Variants in PRKCE observed in about 807,000 individuals in gnomAD.
PRKCE encodes the protein protein kinase C epsilon type.
PRKCE carries 16 observed loss-of-function variants against 85.4 expected under a neutral mutation model. That is an observed-to-expected ratio of 0.19 (90% CI 0.13 to 0.28). The LOEUF (loss-of-function observed/expected upper bound fraction) is 0.28, where lower values mean the gene tolerates loss of function less well. Ranked by LOEUF, PRKCE falls within the 10% of genes least tolerant of loss-of-function variation. The pLI, the probability that PRKCE is intolerant of heterozygous loss-of-function variation, is 1.00. For missense variants in PRKCE, 573 were observed against 975.2 expected, an observed-to-expected ratio of 0.59 and a Z score of 5.49; for synonymous variants, 388 against 371.5, an observed-to-expected ratio of 1.04 and a Z score of -0.51.
chr2:45,714,724 G>A (rs1401425948), intron 1 of PRKCE, among the ~76,000 whole-genome samples: 1 of 152,188 alleles, frequency 6.6e-6, no homozygotes, highest in African/African-American at 2.4e-5. Flanking sequence ...AGCTGGAGGT[G>A]TAACTCACTG....
intron 1 of PRKCE, among the ~76,000 whole-genome samples, chr2:45,804,689 T>C (rs1028310196): frequency 1.3e-5 from 2 of 152,090 alleles, no homozygotes; most frequent in East Asian, 1.9e-4. Flanking sequence ...TCAACTATAA[T>C]TGAGAAAGAG....
chr2:45,776,265 C>T (rs1685741239), intron 1 of PRKCE, among the ~76,000 whole-genome samples: 2 of 152,202 alleles, frequency 1.3e-5, no homozygotes, highest in Admixed American at 1.3e-4. Flanking sequence ...CCTCCTTAAA[C>T]TCTCCTCACT....
At chr2:45,917,184 T>G (rs1295156298) in intron 2 of PRKCE, among the ~76,000 whole-genome samples, 2 of 152,186 alleles carry the variant, frequency 1.3e-5, no homozygotes, top group Non-Finnish European at 2.9e-5. Context: ...ATCCCTGAGC[T>G]AGACACAAAA....
intron 11 of PRKCE, among the ~76,000 whole-genome samples, chr2:46,104,588 C>T (rs939371092): frequency 1.3e-5 from 2 of 152,026 alleles, no homozygotes; most frequent in Non-Finnish European, 2.9e-5. Context: ...CTTTATGATC[C>T]TCTTATTAAG....
rs988505775 is a variant in PRKCE at position 45,831,436 on chromosome 2, G to C, written c.349-11564G>C. 2.6e-5 allele frequency among the ~76,000 whole-genome samples: 4 copies of C among 152,218 alleles called. No individual in the cohort carries two copies. In the East Asian group the frequency reaches 5.8e-4, roughly 22 times the overall value. On this transcript the variant is annotated intron_variant, in intron 1 of 14. Transcript: ENST00000306156. Reference sequence around the variant, plus strand: ...GGGTGGCAGGCAGAGGATGGGGAATGCTGGAAGCACTAATGTCCTCTGGGT... The same window carrying C: ...GGGTGGCAGGCAGAGGATGGGGAATCCTGGAAGCACTAATGTCCTCTGGGT...
At chr2:45,845,980 G>A (rs1229921994) in intron 2 of PRKCE, among the ~76,000 whole-genome samples, 5 of 152,182 alleles carry the variant, frequency 3.3e-5, no homozygotes, top group East Asian at 3.8e-4. Context: ...AAATGGACTC[G>A]TTTGGTGCTA....
chr2:46,176,839 G>C (rs555660675), intron 14 of PRKCE, among the ~76,000 whole-genome samples: 11 of 152,332 alleles, frequency 7.2e-5, no homozygotes, highest in Non-Finnish European at 1.3e-4. Context: ...CCAACAGAGA[G>C]ATAGGAGGCA....
Position 45,888,597 on chromosome 2 carries a change from C to T in PRKCE, c.412+45534C>T, listed in dbSNP as rs1163763613. Among the ~76,000 whole-genome samples, 29 of 149,798 alleles carry T rather than the reference C, an allele frequency of 1.9e-4. No homozygotes were observed. The Admixed American group carries it at 2.0e-3, about 10-fold the overall frequency. ...TCCCCAGTAGCTGGAATTACAGGTG[C>T]CTGCCACCATGCCTAGCTAATTTTT... is the stretch of plus-strand genomic sequence containing the variant. On this transcript the variant is annotated intron_variant, in intron 2 of 14. Coordinates refer to ENST00000306156, the MANE Select transcript of PRKCE (RefSeq NM_005400.3).
chr2:46,002,018 G>A (rs1704725816), intron 7 of PRKCE, among the ~76,000 whole-genome samples: 2 of 152,180 alleles, frequency 1.3e-5, no homozygotes, highest in Non-Finnish European at 2.9e-5. Flanking sequence ...TGAGCTGCCT[G>A]GGGAATATTG....
chr2:45,743,664 C>T (rs977900988), intron 1 of PRKCE, among the ~76,000 whole-genome samples: 6 of 152,230 alleles, frequency 3.9e-5, no homozygotes, highest in African/African-American at 7.2e-5. Context: ...TCCTCACATC[C>T]GTATTGTGGG....
chr2:46,149,785 G>T (rs908604791), intron 12 of PRKCE, among the ~76,000 whole-genome samples: 1 of 150,360 alleles, frequency 6.7e-6, no homozygotes, highest in African/African-American at 2.4e-5. Flanking sequence ...TTATATGTGC[G>T]TGTGTGTGTA....
intron 2 of PRKCE, among the ~76,000 whole-genome samples, chr2:45,908,574 CT>C (rs1347968821): frequency 6.6e-6 from 1 of 152,200 alleles, no homozygotes; most frequent in East Asian, 1.9e-4. Context: ...CTTGCCGATG[CT>C]GCTGTTTGTG....
At chr2:45,884,721 GT>G (rs1436841069) in intron 2 of PRKCE, among the ~76,000 whole-genome samples, 2 of 151,840 alleles carry the variant, frequency 1.3e-5, no homozygotes, top group Non-Finnish European at 2.9e-5. Flanking sequence ...TTTAAAACAT[GT>G]TTTCATGGCT....
intron 1 of PRKCE, among the ~76,000 whole-genome samples, chr2:45,735,074 G>A (rs1290817326): frequency 2.0e-5 from 3 of 152,220 alleles, no homozygotes; most frequent in Non-Finnish European, 4.4e-5. Context: ...CCCTCTCAGA[G>A]TCACTGGGCC....
chr2:45,770,396 G>T (rs79510514), intron 1 of PRKCE, among the ~76,000 whole-genome samples: 1 of 152,110 alleles, frequency 6.6e-6, no homozygotes, highest in Non-Finnish European at 1.5e-5. Flanking sequence ...ATTGCCTAAG[G>T]TTCTCATGTT....
chr2:45,984,181 G>A (rs561684630), intron 5 of PRKCE, among the ~76,000 whole-genome samples: 13 of 151,984 alleles, frequency 8.6e-5, no homozygotes, highest in African/African-American at 1.7e-4. Context: ...CAGGTGGTCC[G>A]CCTACCTCAG....
intron 10 of PRKCE, among the ~76,000 whole-genome samples, chr2:46,055,071 C>T (rs1461620241): frequency 6.6e-6 from 1 of 152,224 alleles, no homozygotes; most frequent in African/African-American, 2.4e-5. Context: ...TCACATTCCT[C>T]CTGGACGCCG....
At chr2:45,908,017 A>G (rs1697110082) in intron 2 of PRKCE, among the ~76,000 whole-genome samples, 1 of 152,062 alleles carries the variant, frequency 6.6e-6, no homozygotes, top group African/African-American at 2.4e-5. Flanking sequence ...CATTTTTGAG[A>G]CGGGGGAAGC....
At chr2:46,118,090 A>G (rs1341760901) in intron 11 of PRKCE, among the ~76,000 whole-genome samples, 1 of 152,254 alleles carries the variant, frequency 6.6e-6, no homozygotes, top group African/African-American at 2.4e-5. Flanking sequence ...AAAAATGTTG[A>G]CCAATAGCAT....
Sources: allele counts gnomAD v4.1 joint callset (sites outside exome capture counted in the v4.1 genomes callset), GRCh38; gene constraint gnomAD v4.1.1; transcripts MANE v1.5; gene names NCBI Gene and HGNC (gene_info 2026-07-23, HGNC 2026-07-21).